The following UNC80 variants were observed in gnomAD, a reference collection of about 807,000 sequenced individuals.
The protein encoded by UNC80 is protein unc-80 homolog.
Under a neutral mutation model 384.6 loss-of-function variants are expected in UNC80, and 164 were observed. The ratio of observed to expected loss-of-function variants is 0.43; its 90% confidence interval spans 0.38 to 0.49. The LOEUF (loss-of-function observed/expected upper bound fraction) is 0.49, where lower values mean the gene tolerates loss of function less well. Among genes scored for constraint, UNC80 ranks in the 20% least tolerant of loss-of-function variants. The pLI, the probability that UNC80 is intolerant of heterozygous loss-of-function variation, is 0.00. For missense variants in UNC80, 3,330 were observed against 4,143.0 expected (o/e 0.80, Z 5.39); for synonymous variants, 1,486 against 1,527.8 (o/e 0.97, Z 0.64).
chr2:209,925,492 G>A (rs889260299), intron 35 of UNC80, among the ~76,000 whole-genome samples: 16 of 152,298 alleles, frequency 1.1e-4, no homozygotes, highest in African/African-American at 3.4e-4. Flanking sequence ...GGACCCAAGC[G>A]GGTTGCCGCT....
chr2:209,961,621 C>T (rs1445233676), intron 51 of UNC80, among the ~76,000 whole-genome samples: 3 of 151,750 alleles, frequency 2.0e-5, no homozygotes, highest in Non-Finnish European at 4.4e-5. Flanking sequence ...TATTCATGAA[C>T]CATAAATTTG....
At position 209,997,756 on chromosome 2, in the gene UNC80, G is replaced by A. The variant is rs1210702056; in HGVS notation, c.*2161G>A. ...AAACAGGGCCTTATAGAGTAGGAAT[G>A]TTTTCATACTGGGACTACTGAAATT... is the stretch of plus-strand genomic sequence containing the variant. On this transcript the variant is annotated 3_prime_UTR_variant, in exon 65 of 65. Coordinates refer to ENST00000673920, the MANE Select transcript of UNC80 (RefSeq NM_001371986.1). 3.3e-5 allele frequency: 5 copies of A among 152,110 alleles called. No homozygotes were observed. The highest frequency in any genetic ancestry group is 7.4e-5 in the Non-Finnish European group (5 of 68,010). 9.4% of individuals were successfully genotyped at this position (152,110 alleles called of 1,614,324 possible). A position where few individuals can be genotyped will look rare whatever the true frequency, so the allele number is the denominator to read the frequency against.
intron 27 of UNC80, among the ~76,000 whole-genome samples, chr2:209,895,741 T>A (rs761519266): frequency 3.3e-5 from 5 of 152,232 alleles, no homozygotes; most frequent in Non-Finnish European, 7.3e-5. Context: ...GAGAGATATT[T>A]CCTTTATACT....
chr2:209,953,814 A>G (rs376198014), intron 47 of UNC80, among the ~76,000 whole-genome samples: 274 of 152,242 alleles, frequency 1.8e-3, no homozygotes, highest in Middle Eastern at 0.014. Flanking sequence ...ACCTATTATC[A>G]TTCTGTTATT....
chr2:209,867,738 A>G (rs889479222), intron 22 of UNC80, among the ~76,000 whole-genome samples: 3 of 152,076 alleles, frequency 2.0e-5, no homozygotes, highest in African/African-American at 7.2e-5. Flanking sequence ...CTTCAGGACA[A>G]ATATTTCTAT....
chr2:209,952,023 G>T (rs916801418), intron 47 of UNC80, among the ~76,000 whole-genome samples: 1 of 151,956 alleles, frequency 6.6e-6, no homozygotes, highest in African/African-American at 2.4e-5. Flanking sequence ...ATATTTTAGT[G>T]TTCAGTTCTA....
At chr2:209,882,173 A>T (rs879783034) in intron 25 of UNC80, among the ~76,000 whole-genome samples, 4 of 151,842 alleles carry the variant, frequency 2.6e-5, no homozygotes, top group Non-Finnish European at 5.9e-5. Context: ...TCACCATGTT[A>T]GCCGGGATGG....
chr2:209,970,757 CATT>C (rs1284100019), intron 53 of UNC80, 72 bp from the exon 54 acceptor site: 16 of 1,465,008 alleles, frequency 1.1e-5, no homozygotes, highest in South Asian at 2.8e-5. Flanking sequence ...TTATCATCAT[CATT>C]GAGACTCCTT....
chr2:209,908,788 G>A (rs2088575163), intron 29 of UNC80, among the ~76,000 whole-genome samples: 1 of 152,052 alleles, frequency 6.6e-6, no homozygotes, highest in Non-Finnish European at 1.5e-5. Context: ...TAATTTCATG[G>A]GCCAGGATGA....
chr2:209,786,277 A>T, intron 5 of UNC80, 88 bp downstream of exon 5: 2 of 1,470,744 alleles, frequency 1.4e-6, no homozygotes, highest in Non-Finnish European at 1.8e-6. Context: ...GCCCCTAAGA[A>T]GTCAAAAAGA....
In UNC80 at chr2:209,771,990, G is replaced by T; in HGVS notation, c.-83G>T. On this transcript the variant is annotated 5_prime_UTR_variant, in exon 1 of 65. Coordinates refer to ENST00000673920, the MANE Select transcript of UNC80 (RefSeq NM_001371986.1). Reference sequence around the variant, plus strand: ...CTCGGGGAAGGAGGGGATGAGAGTTGGGAGCAGCGGGAGGAGGCGGCGGCG... The same window carrying T: ...CTCGGGGAAGGAGGGGATGAGAGTTTGGAGCAGCGGGAGGAGGCGGCGGCG... The T allele has an allele frequency of 2.0e-6, 2 of 1,002,190 alleles. No homozygotes were observed. Among genetic ancestry groups the T allele is most frequent in the Non-Finnish European group, 3.1e-6 (2 of 652,102 alleles). The allele number at this position is 1,002,190 out of a possible 1,614,324, so 62.1% of individuals were successfully genotyped here.
chr2:209,922,213 T>C (rs745652882), intron 34 of UNC80, 39 bp from the exon 35 acceptor site: 2 of 1,550,230 alleles, frequency 1.3e-6, no homozygotes, highest in Non-Finnish European at 1.7e-6. Context: ...ACTCTTTTGT[T>C]ATAAAGCCAA....
chr2:209,899,571 A>G (rs140382137), intron 28 of UNC80, among the ~76,000 whole-genome samples: 81 of 152,300 alleles, frequency 5.3e-4, no homozygotes, highest in African/African-American at 1.9e-3. Context: ...GCAGACAACA[A>G]AGAAGCAGAT....
chr2:209,976,795 C>T lies in UNC80; in HGVS notation c.8773-118C>T. ...AGCACTTCCTGTGTAAAGTGCCGTT[C>T]TAGGAACATCACATGCATTACCTTA... On this transcript the variant is annotated intron_variant, in intron 57 of 64. Coordinates refer to ENST00000673920, the MANE Select transcript of UNC80 (RefSeq NM_001371986.1). This position sits in a 1 kb window ranked among gnomAD's most constrained non-coding sequence, Gnocchi z 4.3. The T allele has an allele frequency of 1.7e-6, 2 of 1,190,244 alleles. No individual in the cohort carries two copies. Among genetic ancestry groups the T allele is most frequent in the East Asian group, 2.6e-5 (1 of 38,584 alleles). 73.7% of individuals were successfully genotyped at this position (1,190,244 alleles called of 1,614,324 possible). A position where few individuals can be genotyped will look rare whatever the true frequency, so the allele number is the denominator to read the frequency against.
At chr2:209,857,701 C>T (rs1308435854) in intron 22 of UNC80, among the ~76,000 whole-genome samples, 1 of 152,002 alleles carries the variant, frequency 6.6e-6, no homozygotes, top group Non-Finnish European at 1.5e-5. Flanking sequence ...ATTAATTTTC[C>T]TCTAAGTACT....
chr2:209,947,921 G>A (rs2091985007), intron 47 of UNC80, among the ~76,000 whole-genome samples: 2 of 152,082 alleles, frequency 1.3e-5, no homozygotes, highest in South Asian at 4.1e-4. Flanking sequence ...CTGTTTAACT[G>A]AAATAGTATA....
intron 48 of UNC80, among the ~76,000 whole-genome samples, chr2:209,955,271 GC>G (rs2092357153): frequency 6.6e-6 from 1 of 152,116 alleles, no homozygotes; most frequent in African/African-American, 2.4e-5. Flanking sequence ...TAAGGGGGAA[GC>G]CCTTTAGTCC....
chr2:209,858,018 C>T (rs13423404), intron 22 of UNC80, among the ~76,000 whole-genome samples: 39,368 of 152,050 alleles, frequency 0.26, 5,711 homozygotes, highest in East Asian at 0.38. Context: ...GATTGATATA[C>T]GTACGATCAA....
At chr2:209,921,218 C>T (rs912930714) in intron 33 of UNC80, among the ~76,000 whole-genome samples, 1 of 152,034 alleles carries the variant, frequency 6.6e-6, no homozygotes, top group African/African-American at 2.4e-5. Flanking sequence ...ATTTAAAGAG[C>T]AAATCATTGA....
Sources: gnomAD v4.1 joint callset for allele counts (sites outside exome capture counted in the v4.1 genomes callset) on GRCh38, gnomAD v4.1.1 for gene constraint, Gnocchi (gnomAD v3.1) non-coding constraint, MANE v1.5 for transcripts, NCBI Gene and HGNC (gene_info 2026-07-23, HGNC 2026-07-21) for gene names.